The following FBP2 variants were observed in gnomAD, a reference collection of about 807,000 sequenced individuals.
FBP2 encodes the protein fructose-bisphosphatase 2, also known as fructose-1,6-bisphosphatase isozyme 2.
A neutral mutation model predicts 31.6 loss-of-function variants in FBP2; 27 were observed. The ratio of observed to expected loss-of-function variants is 0.85; its 90% confidence interval spans 0.63 to 1.18. The LOEUF (loss-of-function observed/expected upper bound fraction) is 1.18, where lower values mean the gene tolerates loss of function less well. FBP2 is among the 50% of genes most tolerant of loss of function. The probability of loss-of-function intolerance (pLI) is 0.00; values close to 1 mark genes in which losing one functional copy is unlikely to be tolerated. For missense variants in FBP2, 421 were observed against 436.1 expected (o/e 0.97, Z 0.31); for synonymous variants, 168 against 179.8 (o/e 0.93, Z 0.53).
chr9:94,560,965 TA>T (rs35548100), intron 6 of FBP2, among the ~76,000 whole-genome samples: 1 of 151,896 alleles, frequency 6.6e-6, no homozygotes, highest in Non-Finnish European at 1.5e-5. Context: ...CAGAAGGGTG[TA>T]AAAAAGTTGT....
At chr9:94,589,735 C>T in intron 1 of FBP2, among the ~76,000 whole-genome samples, 1 of 151,734 alleles carries the variant, frequency 6.6e-6, no homozygotes, top group Non-Finnish European at 1.5e-5. Flanking sequence ...ACCTCACCCC[C>T]CAACACCAAC....
chr9:94,593,499 C>T (rs1051809223), intron 1 of FBP2, 58 bp downstream of exon 1: 14 of 1,516,788 alleles, frequency 9.2e-6, no homozygotes, highest in African/African-American at 2.8e-5. Flanking sequence ...CTGCAGCTCC[C>T]ACACCCCTGC....
At chr9:94,590,186 G>T (rs499480) in intron 1 of FBP2, among the ~76,000 whole-genome samples, 134,179 of 151,800 alleles carry the variant, frequency 0.88, 59,401 homozygotes, top group African/African-American at 0.93. Context: ...AGATGATGGG[G>T]GAAAGGGGCT....
At chr9:94,560,937 C>T (rs1827089321) in intron 6 of FBP2, among the ~76,000 whole-genome samples, 1 of 151,856 alleles carries the variant, frequency 6.6e-6, no homozygotes, top group South Asian at 2.1e-4. Context: ...ACCTCTGGCT[C>T]TTAAAGTAGT....
At chr9:94,579,071 G>GAAAAAAAAAAAAAAAAAAAAAAT (rs1564185245) in intron 3 of FBP2, among the ~76,000 whole-genome samples, 3 of 87,194 alleles carry the variant, frequency 3.4e-5, no homozygotes, top group African/African-American at 1.5e-4. Context: ...AAAAAAAAAG[G>GAAAAAAAAAAAAAAAAAAAAAAT]TTATTTTAAA....
In FBP2 at chr9:94,560,201, A is replaced by G. The variant is rs574629287; in HGVS notation, c.826-1069T>C. 1.2e-3 allele frequency among the ~76,000 whole-genome samples: 189 copies of G among 152,312 alleles called. 1 individual carries two copies. The highest frequency in any genetic ancestry group is 4.4e-3 in the African/African-American group (185 of 41,576). On this transcript the variant is annotated intron_variant, in intron 6 of 6. Transcript: ENST00000375337. ...CCAGCCGAGGGCAGAAACTGGGTTG[A>G]AATCAGCCTGTGCCCTGCTTGCCAG...
At position 94,558,898 on chromosome 9, in the gene FBP2, G is replaced by A. The variant is rs776917650; in HGVS notation, c.*40C>T. ...CGTTCATTTAGGGTCCTTAGACAAG[G>A]TGCAAGACAAACAGAAGAGGGCATG... On this transcript the variant is annotated 3_prime_UTR_variant, in exon 7 of 7. Transcript: ENST00000375337. The A allele has an allele frequency of 6.3e-7, 1 of 1,589,084 alleles. No individual in the cohort carries two copies. Among genetic ancestry groups the A allele is most frequent in the East Asian group, 2.2e-5 (1 of 44,696 alleles).
At chr9:94,590,554 C>T (rs550201649) in intron 1 of FBP2, among the ~76,000 whole-genome samples, 1 of 152,184 alleles carries the variant, frequency 6.6e-6, no homozygotes, top group African/African-American at 2.4e-5. Flanking sequence ...CTTAAGGTGG[C>T]GCATCTGGAG....
At chr9:94,571,978 C>A (rs2131451192) in intron 3 of FBP2, among the ~76,000 whole-genome samples, 1 of 152,230 alleles carries the variant, frequency 6.6e-6, no homozygotes. Context: ...ACTCAACAGC[C>A]CTTTGGGGCA....
In FBP2 at chr9:94,593,764, G is replaced by A. The variant is rs1827528079; in HGVS notation, c.-38C>T. The A allele has an allele frequency of 6.2e-7, 1 of 1,609,286 alleles. No individual in the cohort carries two copies. Among genetic ancestry groups the A allele is most frequent in the East Asian group, 2.2e-5 (1 of 44,846 alleles). On this transcript the variant is annotated 5_prime_UTR_variant, in exon 1 of 7. Transcript: ENST00000375337. The stretch of plus-strand genomic sequence containing the variant: ...GCTTCAAATCCTTTTCTCCCGGCAG[G>A]AAACCTTGCTTACTTCTGAGGGCTG...
intron 4 of FBP2, chr9:94,570,751 T>G (rs1827259828): frequency 6.6e-6 from 1 of 152,220 alleles, no homozygotes; most frequent in Admixed American, 6.5e-5. Flanking sequence ...CTGTAAACTC[T>G]GTTTTGTAAG....
chr9:94,572,466 C>A (rs1827279722), intron 3 of FBP2, among the ~76,000 whole-genome samples: 5 of 152,182 alleles, frequency 3.3e-5, no homozygotes, highest in Admixed American at 3.3e-4. Context: ...GCTTTGTAAA[C>A]CCGAATGTTC....
At chr9:94,575,479 A>G (rs1157616430) in intron 3 of FBP2, among the ~76,000 whole-genome samples, 1 of 152,140 alleles carries the variant, frequency 6.6e-6, no homozygotes, top group Non-Finnish European at 1.5e-5. Flanking sequence ...TTTCATTGCT[A>G]TGTAGTTTTC....
chr9:94,584,431 A>G, intron 3 of FBP2, 146 bp downstream of exon 3: 1 of 625,020 alleles, frequency 1.6e-6, no homozygotes, highest in Non-Finnish European at 2.9e-6. Flanking sequence ...AGCCCCAGGC[A>G]GAGAAAAGTT....
At position 94,584,570 on chromosome 9, in the gene FBP2, T is replaced by A. The variant is rs916374635; in HGVS notation, c.426+7A>T. The A allele has an allele frequency of 6.3e-7, 1 of 1,580,158 alleles. No individual in the cohort carries two copies. The highest frequency in any genetic ancestry group is 1.3e-5 in the African/African-American group (1 of 74,138). ...AGGAGGTGTAAAATGTCAGCCTGTC[T>A]ACTCACCTTTCTATAGATGGCAAAG... On this transcript the variant is annotated splice_region_variant and intron_variant, in intron 3 of 6. Transcript: ENST00000375337.
intron 1 of FBP2, among the ~76,000 whole-genome samples, chr9:94,591,442 G>T (rs1050823686): frequency 6.6e-6 from 1 of 152,128 alleles, no homozygotes; most frequent in Non-Finnish European, 1.5e-5. Context: ...CTCGGAGTGC[G>T]GGCCCGCCAA....
intron 6 of FBP2, among the ~76,000 whole-genome samples, chr9:94,562,929 G>C (rs189063110): frequency 1.7e-3 from 255 of 152,324 alleles, no homozygotes; most frequent in African/African-American, 5.9e-3. Context: ...CGTGTAATTT[G>C]TATGTAATGT....
At chr9:94,584,898 G>A (rs1476688260) in intron 2 of FBP2, among the ~76,000 whole-genome samples, 1 of 152,172 alleles carries the variant, frequency 6.6e-6, no homozygotes, top group Non-Finnish European at 1.5e-5. Flanking sequence ...AAGACCAGAA[G>A]ATAAAGTGGG....
chr9:94,587,623 G>C lies in FBP2; in HGVS notation c.171-154C>G, dbSNP rs1587846020. Among the ~76,000 whole-genome samples, 4 of 152,014 alleles carry C rather than the reference G, an allele frequency of 2.6e-5. No homozygotes were observed. In the South Asian group the frequency reaches 8.3e-4, roughly 32 times the overall value. ...GTGCAGAAGAAGGCGATTATGCCTG[G>C]CAGGATACCTCTCAGCCTTGCCTCC... On this transcript the variant is annotated intron_variant, in intron 1 of 6. Coordinates refer to ENST00000375337, the MANE Select transcript of FBP2 (RefSeq NM_003837.4).
Sources: gnomAD v4.1 joint callset for allele counts (sites outside exome capture counted in the v4.1 genomes callset) on GRCh38, gnomAD v4.1.1 for gene constraint, MANE v1.5 for transcripts, NCBI Gene and HGNC (gene_info 2026-07-23, HGNC 2026-07-21) for gene names.